The following CMIP variants were observed in gnomAD, a reference collection of about 807,000 sequenced individuals.
CMIP encodes C-Maf-inducing protein.
CMIP carries 13 observed loss-of-function variants against 97.3 expected under a neutral mutation model. The observed-to-expected ratio is 0.13, with a 90% CI of 0.09 to 0.21. The LOEUF is 0.21. Ranked by LOEUF, CMIP falls within the 10% of genes least tolerant of loss-of-function variation. The pLI is 1.00. For synonymous variants in CMIP, 538 were observed against 436.3 expected (o/e 1.23, Z -2.91); for missense variants, 847 against 1,024.9 (o/e 0.83, Z 2.37).
chr16:81,605,296 G>T (rs944907958), intron 1 of CMIP, among the ~76,000 whole-genome samples: 2 of 152,192 alleles, frequency 1.3e-5, no homozygotes, highest in Non-Finnish European at 1.5e-5. Context: ...CCGGGATTGG[G>T]GGCCAGGGGG....
chr16:81,544,323 T>C (rs1285104142), intron 1 of CMIP, among the ~76,000 whole-genome samples: 1 of 152,224 alleles, frequency 6.6e-6, no homozygotes, highest in Non-Finnish European at 1.5e-5. Flanking sequence ...ATACTCAATT[T>C]TTTAATTGCA....
intron 2 of CMIP, 139 bp from the exon 3 acceptor site, chr16:81,620,737 T>C (rs570921592): frequency 2.1e-6 from 2 of 964,040 alleles, no homozygotes; most frequent in African/African-American, 3.3e-5. Context: ...GCTTAGCATA[T>C]CTTTCAGCAG....
At chr16:81,659,360 TG>T (rs966912300) in intron 5 of CMIP, among the ~76,000 whole-genome samples, 1 of 151,402 alleles carries the variant, frequency 6.6e-6, no homozygotes, top group Non-Finnish European at 1.5e-5. Context: ...TTGTTCTGGG[TG>T]TTAGAGGGGG....
At chr16:81,603,607 C>A (rs910311104) in intron 1 of CMIP, among the ~76,000 whole-genome samples, 1 of 152,170 alleles carries the variant, frequency 6.6e-6, no homozygotes, top group Non-Finnish European at 1.5e-5. Flanking sequence ...TGTCCTTTTT[C>A]TGTCCCGGGA....
At chr16:81,679,989 C>G (rs1221791387) in intron 10 of CMIP, among the ~76,000 whole-genome samples, 1 of 152,256 alleles carries the variant, frequency 6.6e-6, no homozygotes, top group Admixed American at 6.5e-5. Context: ...GGAACAAGCT[C>G]TGCCCCACTC....
chr16:81,691,903 A>G (rs995809306), intron 11 of CMIP, 63 bp downstream of exon 11: 9 of 1,404,566 alleles, frequency 6.4e-6, no homozygotes, highest in South Asian at 1.2e-5. Context: ...TTGTCCACCA[A>G]GGCCTTAGTG....
At chr16:81,673,244 A>C (rs909433430) in intron 9 of CMIP, among the ~76,000 whole-genome samples, 1 of 152,164 alleles carries the variant, frequency 6.6e-6, no homozygotes, top group African/African-American at 2.4e-5. Context: ...GGCTGGGCGC[A>C]GTAGCTCACA....
At chr16:81,691,615 T>C (rs1019323110) in intron 10 of CMIP, 160 bp from the exon 11 acceptor site, 5 of 661,856 alleles carry the variant, frequency 7.6e-6, no homozygotes, top group African/African-American at 1.8e-5. Flanking sequence ...GCTGAGAACA[T>C]TGACTTGCTC....
chr16:81,592,808 G>T (rs2091486243), intron 1 of CMIP, among the ~76,000 whole-genome samples: 2 of 152,208 alleles, frequency 1.3e-5, no homozygotes, highest in Admixed American at 1.3e-4. Context: ...GATGGTCCCT[G>T]GAGGCTGCTT....
chr16:81,525,122 A>T (rs1317539744), intron 1 of CMIP, among the ~76,000 whole-genome samples: 2 of 142,212 alleles, frequency 1.4e-5, no homozygotes, highest in Non-Finnish European at 3.1e-5. Context: ...TAAATTATTC[A>T]TTTATTTTTT....
chr16:81,476,901 A>G (rs547244583), intron 1 of CMIP, among the ~76,000 whole-genome samples: 1 of 152,004 alleles, frequency 6.6e-6, no homozygotes, highest in South Asian at 2.1e-4. Context: ...CAGGCTCCCT[A>G]AGGATCTTTA....
At chr16:81,573,506 G>A (rs2091133783) in intron 1 of CMIP, among the ~76,000 whole-genome samples, 1 of 152,198 alleles carries the variant, frequency 6.6e-6, no homozygotes, top group Non-Finnish European at 1.5e-5. Flanking sequence ...CTTTGGCCTG[G>A]GATGCAGGAG....
At chr16:81,524,383 T>A (rs769482530) in intron 1 of CMIP, among the ~76,000 whole-genome samples, 16 of 152,196 alleles carry the variant, frequency 1.1e-4, no homozygotes, top group Admixed American at 2.0e-4. Flanking sequence ...GAATTATAAG[T>A]CTGAGTTCTT....
chr16:81,692,614 T>C (rs975802529), intron 11 of CMIP, among the ~76,000 whole-genome samples: 1 of 152,200 alleles, frequency 6.6e-6, no homozygotes, highest in Non-Finnish European at 1.5e-5. Flanking sequence ...TGTGCTGGCC[T>C]GGCCAGTCCC....
chr16:81,656,211 G>T (rs984353397), intron 4 of CMIP, among the ~76,000 whole-genome samples: 1 of 152,164 alleles, frequency 6.6e-6, no homozygotes, highest in East Asian at 1.9e-4. Context: ...ACGGCCTCCC[G>T]CAGCCCTCGG....
intron 1 of CMIP, among the ~76,000 whole-genome samples, chr16:81,472,930 T>C (rs1209704493): frequency 6.6e-6 from 1 of 152,114 alleles, no homozygotes; most frequent in Non-Finnish European, 1.5e-5. Context: ...GCCCAGTGAG[T>C]GTGTGAGGGG....
intron 1 of CMIP, among the ~76,000 whole-genome samples, chr16:81,536,084 CG>C (rs915617045): frequency 1.2e-4 from 19 of 152,258 alleles, no homozygotes; most frequent in African/African-American, 4.3e-4. Flanking sequence ...AAGCATCCCC[CG>C]ACCCCTGGCT....
intron 1 of CMIP, among the ~76,000 whole-genome samples, chr16:81,482,209 C>T (rs748383010): frequency 6.6e-6 from 1 of 152,150 alleles, no homozygotes; most frequent in African/African-American, 2.4e-5. Flanking sequence ...CCTGTGGTTA[C>T]ACTGGGCTCA....
chr16:81,546,746 A>G (rs914461728), intron 1 of CMIP, among the ~76,000 whole-genome samples: 4 of 152,136 alleles, frequency 2.6e-5, no homozygotes, highest in Non-Finnish European at 5.9e-5. Flanking sequence ...GGTGTGGAGC[A>G]CTGGATGGGA....
Sources: allele counts gnomAD v4.1 joint callset (sites outside exome capture counted in the v4.1 genomes callset), GRCh38; gene constraint gnomAD v4.1.1; transcripts MANE v1.5; gene names NCBI Gene and HGNC (gene_info 2026-07-23, HGNC 2026-07-21).